Variants in TOLLIP observed in about 807,000 individuals in gnomAD.
TOLLIP encodes toll interacting protein.
TOLLIP carries 16 observed loss-of-function variants against 33.5 expected under a neutral mutation model. The ratio of observed to expected loss-of-function variants is 0.48; its 90% CI spans 0.32 to 0.72. The LOEUF is 0.72. Among genes scored for constraint, TOLLIP ranks in the 30% least tolerant of loss-of-function variants. The pLI is 0.03. For missense variants in TOLLIP, 325 were observed against 396.6 expected, an observed-to-expected ratio of 0.82 and a Z score of 1.53; for synonymous variants, 176 against 163.7, an observed-to-expected ratio of 1.07 and a Z score of -0.57.
At chr11:1,296,820 G>A (rs1304425648) in intron 1 of TOLLIP, among the ~76,000 whole-genome samples, 2 of 96,390 alleles carry the variant, frequency 2.1e-5, no homozygotes, top group African/African-American at 9.2e-5. Context: ...TGGAGGAGTG[G>A]GGTGGAGGCC....
intron 5 of TOLLIP, among the ~76,000 whole-genome samples, chr11:1,280,774 C>T (rs1270721406): frequency 2.0e-5 from 3 of 152,108 alleles, no homozygotes; most frequent in African/African-American, 4.8e-5. Flanking sequence ...CAGAGGACAG[C>T]GCGGCCGGCA....
chr11:1,281,696 C>T (rs927228404), intron 5 of TOLLIP, among the ~76,000 whole-genome samples: 4 of 152,240 alleles, frequency 2.6e-5, no homozygotes, highest in Non-Finnish European at 5.9e-5. Flanking sequence ...GGCCGCCCTG[C>T]GTGCACACAG....
intron 5 of TOLLIP, among the ~76,000 whole-genome samples, chr11:1,284,532 G>GT (rs1292082762): frequency 6.6e-6 from 1 of 152,178 alleles, no homozygotes; most frequent in Non-Finnish European, 1.5e-5. Context: ...TGTATTTTTA[G>GT]TAGAGACGGG....
intron 3 of TOLLIP, among the ~76,000 whole-genome samples, chr11:1,289,079 G>A (rs1219828150): frequency 6.6e-6 from 1 of 152,218 alleles, no homozygotes; most frequent in East Asian, 1.9e-4. Flanking sequence ...TCCACTTCAG[G>A]GACACTGGCT....
intron 5 of TOLLIP, among the ~76,000 whole-genome samples, chr11:1,280,445 A>T (rs956788846): frequency 6.6e-6 from 1 of 152,082 alleles, no homozygotes; most frequent in Non-Finnish European, 1.5e-5. Flanking sequence ...CACAGAAACC[A>T]GTGGGGGTTG....
rs577217625 is a variant in TOLLIP, at chr11:1,276,316, G to A, written c.*723C>T. The A allele has an allele frequency of 3.0e-4, 66 of 218,616 alleles. No individual in the cohort carries two copies. Among genetic ancestry groups the A allele is most frequent in the African/African-American group, 1.3e-3 (55 of 43,208 alleles). 13.5% of individuals were successfully genotyped at this position (218,616 alleles called of 1,614,324 possible). Reference sequence around the variant, plus strand: ...GGAGAGACGGACGGCAGCCTCCGGCGGGCGAAGGACCCGGCTTCAGATGCC... The same window carrying A: ...GGAGAGACGGACGGCAGCCTCCGGCAGGCGAAGGACCCGGCTTCAGATGCC... On this transcript the variant is annotated 3_prime_UTR_variant, in exon 6 of 6. Coordinates refer to ENST00000317204, the MANE Select transcript of TOLLIP (RefSeq NM_019009.4).
intron 1 of TOLLIP, among the ~76,000 whole-genome samples, chr11:1,299,466 G>A (rs758340141): frequency 1.3e-5 from 2 of 152,052 alleles, no homozygotes; most frequent in Admixed American, 6.5e-5. Flanking sequence ...GACGACACTC[G>A]GTCCTTCAGT....
At position 1,278,913 on chromosome 11, in the gene TOLLIP, G is replaced by T. The variant is rs1863397556; in HGVS notation, c.611-1660C>A. Among the ~76,000 whole-genome samples the T allele has an allele frequency of 6.6e-6, 1 of 152,194 alleles. No individual in the cohort carries two copies. The highest frequency in any genetic ancestry group is 1.9e-4 in the East Asian group (1 of 5,190). On this transcript the variant is annotated intron_variant, in intron 5 of 5. Transcript: ENST00000317204. This position sits in a 1 kb window ranked among gnomAD's most constrained non-coding sequence, Gnocchi z 4.7. ...CCGGCTGGCAGGCGGGCAGGAACTT[G>T]GCCATCACCTGTCCCTGCCCATACA...
Position 1,309,474 on chromosome 11 carries a change from G to A in TOLLIP, c.25C>T (p.Arg9Cys). The A allele has an allele frequency of 2.2e-6, 3 of 1,334,078 alleles. No homozygotes were observed. The highest frequency in any genetic ancestry group is 3.3e-5 in the East Asian group (1 of 30,254). 82.6% of individuals were successfully genotyped at this position (1,334,078 alleles called of 1,614,324 possible). Residue 9 changes from arginine to cysteine, a missense_variant, in exon 1 of 6, where the codon CGC becomes TGC. By Grantham distance (180) the Arg-to-Cys change is radical. Coordinates refer to ENST00000317204, the MANE Select transcript of TOLLIP (RefSeq NM_019009.4). MATTVSTQ[R>C]GPVYIGELPQ... is the part of the protein sequence containing the mutation. ...TCGCCCGGCTGCCTCACCGGCCCGC[G>A]CTGAGTGCTGACGGTGGTCGCCATG...
At position 1,299,984 on chromosome 11, in the gene TOLLIP, G is replaced by A. The variant is rs148650184; in HGVS notation, c.34-4190C>T. Among the ~76,000 whole-genome samples the A allele has an allele frequency of 4.1e-3, 626 of 152,340 alleles. 2 individuals carry two copies. The highest frequency in any genetic ancestry group is 0.013 in the African/African-American group (550 of 41,572). ...AGGGAGCCATAAGGAGGCCTCTGTCGACACCAACTCTGGAGGAGCATTCAG... is the reference window on the plus strand; with the variant it reads ...AGGGAGCCATAAGGAGGCCTCTGTCAACACCAACTCTGGAGGAGCATTCAG... On this transcript the variant is annotated intron_variant, in intron 1 of 5. Coordinates refer to ENST00000317204, the MANE Select transcript of TOLLIP (RefSeq NM_019009.4).
rs1290589891 is a variant in TOLLIP at position 1,274,435 on chromosome 11, C to T, written c.*2604G>A. 6.6e-6 allele frequency: 1 copy of T among 152,166 alleles called. No homozygotes were observed. Among genetic ancestry groups the T allele is most frequent in the African/African-American group, 2.4e-5 (1 of 41,440 alleles). The allele number at this position is 152,166 out of a possible 1,614,324, so 9.4% of individuals were successfully genotyped here. ...ATGGATCATTTATTAAATTAGAAGA[C>T]TAAAAAGTAAAAATATATTTTACAA... is the stretch of plus-strand genomic sequence containing the variant. On this transcript the variant is annotated 3_prime_UTR_variant, in exon 6 of 6. Coordinates refer to ENST00000317204, the MANE Select transcript of TOLLIP (RefSeq NM_019009.4).
rs375659736 is a variant in TOLLIP at position 1,288,587 on chromosome 11, C to T, written c.519+37G>A. 20 of 1,581,438 alleles carry T rather than the reference C, an allele frequency of 1.3e-5. No homozygotes were observed. The African/African-American group carries it at 1.6e-4, about 13-fold the overall frequency. On this transcript the variant is annotated intron_variant, in intron 4 of 5. Coordinates refer to ENST00000317204, the MANE Select transcript of TOLLIP (RefSeq NM_019009.4). Reference sequence around the variant, plus strand: ...ATAGCCCCGACGTGCTCCAACATACCCCAATGCGCCCCACCCCGCCCAGGC... The same window carrying T: ...ATAGCCCCGACGTGCTCCAACATACTCCAATGCGCCCCACCCCGCCCAGGC...
chr11:1,284,002 C>T (rs1863593364), intron 5 of TOLLIP, among the ~76,000 whole-genome samples: 1 of 152,218 alleles, frequency 6.6e-6, no homozygotes, highest in Non-Finnish European at 1.5e-5. Flanking sequence ...CCATGAACTG[C>T]ACATCACAGA....
At chr11:1,300,960 C>G (rs1169369567) in intron 1 of TOLLIP, among the ~76,000 whole-genome samples, 1 of 152,242 alleles carries the variant, frequency 6.6e-6, no homozygotes, top group Admixed American at 6.5e-5. Context: ...GTGTGCCACG[C>G]ATGCACCTGC....
intron 2 of TOLLIP, among the ~76,000 whole-genome samples, chr11:1,294,461 G>T (rs1417079328): frequency 5.4e-5 from 5 of 92,398 alleles, no homozygotes; most frequent in African/African-American, 2.4e-4. Context: ...TCCTTTCCCT[G>T]CATTTCTACG....
Position 1,286,108 on chromosome 11 carries a change from G to T in TOLLIP, c.520-16C>A. 6.3e-7 allele frequency: 1 copy of T among 1,576,652 alleles called. No individual in the cohort carries two copies. The stretch of plus-strand genomic sequence containing the variant: ...CTGGAAGCAGCTGAAACACAGCGGA[G>T]ATGGTCCCGGGGTCAAGGAGGAACA... On this transcript the variant is annotated splice_polypyrimidine_tract_variant and intron_variant, in intron 4 of 5. Transcript: ENST00000317204.
In TOLLIP at chr11:1,309,565, C is replaced by T. The variant is rs954660135; in HGVS notation, c.-67G>A. The T allele has an allele frequency of 5.2e-6, 5 of 955,696 alleles. No individual in the cohort carries two copies. Among genetic ancestry groups the T allele is most frequent in the Admixed American group, 4.1e-5 (1 of 24,162 alleles). The allele number at this position is 955,696 out of a possible 1,614,324, so 59.2% of individuals were successfully genotyped here. On this transcript the variant is annotated 5_prime_UTR_variant, in exon 1 of 6. Transcript: ENST00000317204. ...CGCGCCGGGCGACCTCCTGCGCCCC[C>T]GCCGGAGCCTGCGACGGAGACAGTT...
chr11:1,288,554 G>C, intron 4 of TOLLIP, 70 bp downstream of exon 4: 3 of 1,506,734 alleles, frequency 2.0e-6, no homozygotes, highest in Non-Finnish European at 2.7e-6. Context: ...GGGTGTCTGT[G>C]GGGCGGCATA....
chr11:1,276,975 C>T lies in TOLLIP; in HGVS notation c.*64G>A. The T allele has an allele frequency of 6.3e-7, 1 of 1,593,626 alleles. No homozygotes were observed. Among genetic ancestry groups the T allele is most frequent in the African/African-American group, 1.3e-5 (1 of 74,742 alleles). On this transcript the variant is annotated 3_prime_UTR_variant, in exon 6 of 6. Coordinates refer to ENST00000317204, the MANE Select transcript of TOLLIP (RefSeq NM_019009.4). ...ACGGGAATCTTGTTGGGACAGCATT[C>T]CTTGGGGAGCGCCGGGTCGGCGTGT...
Sources: allele counts gnomAD v4.1 joint callset (sites outside exome capture counted in the v4.1 genomes callset), GRCh38; gene constraint gnomAD v4.1.1; non-coding constraint Gnocchi (gnomAD v3.1); transcripts MANE v1.5; gene names NCBI Gene and HGNC (gene_info 2026-07-23, HGNC 2026-07-21).